WNT8A: variants seen among roughly 807,000 people sequenced by gnomAD.
WNT8A encodes protein Wnt-8a.
In WNT8A, 14 loss-of-function variants were observed where a neutral mutation model predicts 20.5. The observed-to-expected ratio is 0.68, with a 90% confidence interval of 0.45 to 1.07. The LOEUF (loss-of-function observed/expected upper bound fraction) is 1.07, where lower values mean the gene tolerates loss of function less well. Among genes scored for constraint, WNT8A ranks in the 50% least tolerant of loss-of-function variants. WNT8A has a pLI of 0.00. For missense variants in WNT8A, 397 were observed against 462.9 expected (o/e 0.86, Z 1.31); for synonymous variants, 167 against 169.2 (o/e 0.99, Z 0.10).
At position 138,090,741 on chromosome 5, in the gene WNT8A, C is replaced by A; in HGVS notation, c.778C>A (p.Leu260Ile). ...CCACTGGGTGCCCGCTGAGGCCTTCCTTCCTAGCGCAGAGGCGGAACTGAT... is the reference window on the plus strand; with the variant it reads ...CCACTGGGTGCCCGCTGAGGCCTTCATTCCTAGCGCAGAGGCGGAACTGAT... The part of the protein sequence containing the change: ...EGHWVPAEAF[L>I]PSAEAELIFL... The change falls in exon 5 of 5, where the codon CTT becomes ATT. Residue 260 changes from leucine to isoleucine, a missense_variant. Coordinates refer to ENST00000506684, the MANE Select transcript of WNT8A (RefSeq NM_001300939.2). 1 of 1,614,224 alleles carries A rather than the reference C, an allele frequency of 6.2e-7. No homozygotes were observed. The highest frequency in any genetic ancestry group is 8.5e-7 in the Non-Finnish European group (1 of 1,180,040).
At chr5:138,078,569 T>C in the WNT8A span, among the ~76,000 whole-genome samples, 1,482 of 152,274 alleles carry the variant, frequency 9.7e-3, 21 homozygotes, top group African/African-American at 0.034. Context: ...ACCTTTGCTG[T>C]TGGGTGACCA....
rs566980169 is a variant in WNT8A at position 138,086,751 on chromosome 5, T to C, written c.296-1055T>C. On this transcript the variant is annotated intron_variant, in intron 2 of 4. Transcript: ENST00000506684. ...GACCCTATTTCTAATACAATAATAA[T>C]AGGCCAGGTGCGGTGGCTCATGCCT... 2.6e-5 allele frequency among the ~76,000 whole-genome samples: 4 copies of C among 151,102 alleles called. No homozygotes were observed. In the South Asian group the frequency reaches 8.3e-4, roughly 32 times the overall value.
intron 3 of WNT8A, among the ~76,000 whole-genome samples, chr5:138,088,711 T>A (rs780908079): frequency 6.6e-6 from 1 of 152,128 alleles, no homozygotes; most frequent in Non-Finnish European, 1.5e-5. Flanking sequence ...CTACTTTTAC[T>A]GTGGGTATAG....
upstream of WNT8A, among the ~76,000 whole-genome samples, chr5:138,082,302 G>A (rs1201661987): frequency 6.6e-6 from 1 of 152,234 alleles, no homozygotes; most frequent in Non-Finnish European, 1.5e-5. Context: ...TTCCTGGCTG[G>A]GTGCGGTGGC....
intron 2 of WNT8A, among the ~76,000 whole-genome samples, 169 bp downstream of exon 2, chr5:138,084,805 T>C (rs908322370): frequency 2.0e-5 from 3 of 152,206 alleles, no homozygotes; most frequent in Admixed American, 6.5e-5. Flanking sequence ...TTACCTACCC[T>C]CTCTCAGCCC....
chr5:138,080,446 T>G (rs1435211729), upstream of WNT8A, among the ~76,000 whole-genome samples: 2 of 93,158 alleles, frequency 2.1e-5, no homozygotes, highest in African/African-American at 8.2e-5. Context: ...TAAATCTTGT[T>G]TTTTTTTTTT....
chr5:138,080,015 G>T (rs1193790047), upstream of WNT8A, among the ~76,000 whole-genome samples: 1 of 152,078 alleles, frequency 6.6e-6, no homozygotes, highest in Non-Finnish European at 1.5e-5. Context: ...TCAACTACAG[G>T]ATTCAAAGAT....
chr5:138,083,304 A>G (rs1158883493), upstream of WNT8A, among the ~76,000 whole-genome samples: 2 of 151,132 alleles, frequency 1.3e-5, no homozygotes, highest in Non-Finnish European at 2.9e-5. Flanking sequence ...AAAAAGAGAA[A>G]GGCATCAGTC....
At chr5:138,088,763 C>T (rs1282194305) in intron 3 of WNT8A, among the ~76,000 whole-genome samples, 164 bp from the exon 4 acceptor site, 1 of 152,054 alleles carries the variant, frequency 6.6e-6, no homozygotes, top group Non-Finnish European at 1.5e-5. Context: ...GAAGGGTGGG[C>T]AGTTGGCTTT....
rs184884846 is a variant in WNT8A, at chr5:138,090,924, G to A, written c.961G>A (p.Glu321Lys). The A allele has an allele frequency of 6.2e-7, 1 of 1,614,234 alleles. No homozygotes were observed. Among genetic ancestry groups the A allele is most frequent in the East Asian group, 2.2e-5 (1 of 44,892 alleles). Residue 321 changes from glutamate (E) to lysine (K), a missense_variant, in exon 5 of 5, where the codon GAG (glutamate) becomes AAG (lysine). Transcript: ENST00000506684. ...LCTECGLQVEERKTEVISSCN... is the reference protein window; with the variant it reads ...LCTECGLQVEKRKTEVISSCN... ...CACTGAGTGTGGGCTGCAGGTGGAAGAGAGGAAAACTGAGGTCATAAGCAG... is the reference window on the plus strand; with the variant it reads ...CACTGAGTGTGGGCTGCAGGTGGAAAAGAGGAAAACTGAGGTCATAAGCAG...
At chr5:138,088,462 T>C (rs1750742095) in intron 3 of WNT8A, among the ~76,000 whole-genome samples, 1 of 151,550 alleles carries the variant, frequency 6.6e-6, no homozygotes, top group Non-Finnish European at 1.5e-5. Context: ...GTTCACGCCA[T>C]TCTCCTGCCT....
chr5:138,082,876 A>AAAATAAAT (rs61652264), upstream of WNT8A, among the ~76,000 whole-genome samples: 15,219 of 137,612 alleles, frequency 0.11, 917 homozygotes, highest in African/African-American at 0.14. Context: ...ACTCCATCTC[A>AAAATAAAT]AAATAAATAA....
chr5:138,084,109 T>G lies in WNT8A; in HGVS notation c.-19T>G, dbSNP rs1185533067. The G allele has an allele frequency of 6.2e-7, 1 of 1,614,012 alleles. No individual in the cohort carries two copies. The highest frequency in any genetic ancestry group is 2.2e-5 in the East Asian group (1 of 44,878). ...AGGGCGATGGGGAACCTGTTTATGC[T>G]CTGGGCAGCTCTGGGCATATGCTGT... On this transcript the variant is annotated 5_prime_UTR_variant, in exon 1 of 5. Coordinates refer to ENST00000506684, the MANE Select transcript of WNT8A (RefSeq NM_001300939.2).
chr5:138,081,533 C>T (rs904902259), upstream of WNT8A, among the ~76,000 whole-genome samples: 1 of 151,988 alleles, frequency 6.6e-6, no homozygotes, highest in Non-Finnish European at 1.5e-5. Context: ...ACCCTGCTGT[C>T]TTAAGAAGTG....
Position 138,091,093 on chromosome 5 carries a change from A to G in WNT8A, c.*20A>G, listed in dbSNP as rs1362006988. 11 of 1,597,232 alleles carry G rather than the reference A, an allele frequency of 6.9e-6. No homozygotes were observed. The highest frequency in any genetic ancestry group is 9.4e-6 in the Non-Finnish European group (11 of 1,171,090). ...GCCTGATAATACCCCACACAAGTTC[A>G]CTTGATTAATTGCATCAGTGGAAGG... On this transcript the variant is annotated 3_prime_UTR_variant, in exon 5 of 5. Coordinates refer to ENST00000506684, the MANE Select transcript of WNT8A (RefSeq NM_001300939.2).
downstream of WNT8A, chr5:138,091,664 CAA>C (rs1366236664): frequency 6.0e-6 from 3 of 500,950 alleles, no homozygotes; most frequent in African/African-American, 6.1e-5. Flanking sequence ...CATCTCTACA[CAA>C]AATTTAAAAA....
the WNT8A span, among the ~76,000 whole-genome samples, chr5:138,078,777 C>T: frequency 0.11 from 17,481 of 152,120 alleles, 1,089 homozygotes; most frequent in Non-Finnish European, 0.12. Context: ...AGTTCAGACA[C>T]TCTAAGGTTC....
chr5:138,083,932 G>A (rs1750573366), upstream of WNT8A: 4 of 706,316 alleles, frequency 5.7e-6, 1 homozygote, highest in South Asian at 8.1e-5. Context: ...GGTGGCTCCT[G>A]CAGCCCTGCC....
rs1750585461 is a variant in WNT8A at position 138,084,214 on chromosome 5, C to T, written c.87C>T (p.Pro29=). 6.2e-7 allele frequency: 1 copy of T among 1,614,204 alleles called. No individual in the cohort carries two copies. The highest frequency in any genetic ancestry group is 8.5e-7 in the Non-Finnish European group (1 of 1,180,026). The change falls in exon 1 of 5, where the codon CCC becomes CCT. Residue 29 remains proline (P), a synonymous_variant. Coordinates refer to ENST00000506684, the MANE Select transcript of WNT8A (RefSeq NM_001300939.2). ...AAGGAGGCCCCCATTGTCTCATCCC[C>T]ATTCACCTCTGCCTCACTTTTTCTC... The part of the protein sequence containing the change: ...PCQGGPHCLI[P]IHLCLTFSLF...
Sources: allele counts gnomAD v4.1 joint callset (sites outside exome capture counted in the v4.1 genomes callset), GRCh38; gene constraint gnomAD v4.1.1; transcripts MANE v1.5; gene names NCBI Gene and HGNC (gene_info 2026-07-23, HGNC 2026-07-21).